Variants in RNGTT observed in about 807,000 individuals in gnomAD.
RNGTT encodes the protein mRNA-capping enzyme.
In RNGTT, 33 loss-of-function variants were observed where a neutral mutation model predicts 79.3. The observed-to-expected ratio is 0.42, with a 90% confidence interval of 0.32 to 0.56. The LOEUF (loss-of-function observed/expected upper bound fraction) is 0.56. Among genes scored for constraint, RNGTT ranks in the 20% least tolerant of loss-of-function variants. RNGTT has a pLI of 0.17. For synonymous variants in RNGTT, 222 were observed against 235.9 expected (o/e 0.94, Z 0.54); for missense variants, 497 against 739.1 (o/e 0.67, Z 3.80).
intron 6 of RNGTT, among the ~76,000 whole-genome samples, chr6:88,901,493 A>ATTTT (rs1562310733): frequency 3.1e-5 from 3 of 97,558 alleles, no homozygotes; most frequent in African/African-American, 1.4e-4. Context: ...AAGCACCCTG[A>ATTTT]TCTTTTTTTT....
chr6:88,739,070 T>C (rs1001685725), intron 13 of RNGTT, among the ~76,000 whole-genome samples: 1 of 152,056 alleles, frequency 6.6e-6, no homozygotes. Context: ...ATAAAAAAAC[T>C]TTCTCAAATT....
At chr6:88,857,504 A>G (rs1781879568) in intron 8 of RNGTT, among the ~76,000 whole-genome samples, 1 of 152,224 alleles carries the variant, frequency 6.6e-6, no homozygotes, top group Admixed American at 6.5e-5. Flanking sequence ...TGTATGTACA[A>G]CAAAGTTCAT....
intron 13 of RNGTT, among the ~76,000 whole-genome samples, chr6:88,723,490 A>G (rs561761019): frequency 3.1e-4 from 47 of 152,180 alleles, no homozygotes; most frequent in South Asian, 8.3e-4. Context: ...TTATTTTCAT[A>G]CTTTCTCTAA....
At chr6:88,817,119 C>T (rs1457804799) in intron 11 of RNGTT, among the ~76,000 whole-genome samples, 1 of 152,118 alleles carries the variant, frequency 6.6e-6, no homozygotes, top group Non-Finnish European at 1.5e-5. Context: ...AGAGCAAAAA[C>T]CACTCTGGTC....
intron 11 of RNGTT, among the ~76,000 whole-genome samples, chr6:88,837,336 G>A (rs111635088): frequency 6.6e-6 from 1 of 152,130 alleles, no homozygotes; most frequent in Non-Finnish European, 1.5e-5. Flanking sequence ...GTTCAAGGCT[G>A]TAGTGAGCTA....
At chr6:88,630,930 T>C (rs932939450) in intron 14 of RNGTT, among the ~76,000 whole-genome samples, 1 of 152,244 alleles carries the variant, frequency 6.6e-6, no homozygotes, top group African/African-American at 2.4e-5. Flanking sequence ...CAATTGAACA[T>C]ACATTTGTGA....
chr6:88,830,331 T>C (rs1225846284), intron 11 of RNGTT, among the ~76,000 whole-genome samples: 2 of 151,446 alleles, frequency 1.3e-5, no homozygotes, highest in Non-Finnish European at 3.0e-5. Flanking sequence ...AAATAAATAA[T>C]GAAATAATGA....
At chr6:88,730,897 C>T (rs971802911) in intron 13 of RNGTT, among the ~76,000 whole-genome samples, 1 of 152,200 alleles carries the variant, frequency 6.6e-6, no homozygotes, top group Admixed American at 6.5e-5. Context: ...CCAGCCCTGT[C>T]TAGTCTTCTG....
intron 14 of RNGTT, among the ~76,000 whole-genome samples, chr6:88,625,180 A>G (rs1028223746): frequency 1.3e-5 from 2 of 151,982 alleles, no homozygotes; most frequent in Admixed American, 1.3e-4. Flanking sequence ...GTTTCTTTAT[A>G]AAGTCAAACA....
intron 4 of RNGTT, among the ~76,000 whole-genome samples, chr6:88,919,930 C>G (rs1784115577): frequency 6.6e-6 from 1 of 151,938 alleles, no homozygotes; most frequent in Non-Finnish European, 1.5e-5. Context: ...CTCAGGTGAT[C>G]CACCCGCCTC....
chr6:88,821,690 C>T (rs1780501518), intron 11 of RNGTT, among the ~76,000 whole-genome samples: 1 of 151,726 alleles, frequency 6.6e-6, no homozygotes, highest in Admixed American at 6.6e-5. Context: ...ATGGTGTCAA[C>T]TGATTTCGAT....
chr6:88,624,568 C>G (rs1444295568), intron 14 of RNGTT, among the ~76,000 whole-genome samples: 2 of 151,766 alleles, frequency 1.3e-5, no homozygotes, highest in Admixed American at 6.6e-5. Flanking sequence ...TCACATTACA[C>G]AAAAATCAAA....
chr6:88,918,924 A>G (rs1784080608), intron 4 of RNGTT, among the ~76,000 whole-genome samples: 1 of 151,662 alleles, frequency 6.6e-6, no homozygotes, highest in African/African-American at 2.4e-5. Context: ...TAGGAAATGT[A>G]ATAATAATTG....
intron 8 of RNGTT, among the ~76,000 whole-genome samples, chr6:88,865,410 CA>C (rs1782135792): frequency 6.6e-6 from 1 of 151,994 alleles, no homozygotes. Context: ...AAACAGGAAA[CA>C]GGAAGCCATC....
At chr6:88,956,040 C>CAAAAAA (rs750272502) in intron 1 of RNGTT, among the ~76,000 whole-genome samples, 3 of 23,640 alleles carry the variant, frequency 1.3e-4, no homozygotes, top group African/African-American at 2.9e-4. Flanking sequence ...GACTCTGTCT[C>CAAAAAA]AAAAAAAAAA....
At chr6:88,701,359 G>A (rs1398256022) in intron 13 of RNGTT, among the ~76,000 whole-genome samples, 1 of 151,906 alleles carries the variant, frequency 6.6e-6, no homozygotes. Context: ...AACTAATTAA[G>A]TTTCCTGAGT....
At chr6:88,854,463 G>A (rs1013488034) in intron 8 of RNGTT, among the ~76,000 whole-genome samples, 2 of 152,050 alleles carry the variant, frequency 1.3e-5, no homozygotes, top group African/African-American at 2.4e-5. Context: ...TAACTATATG[G>A]ATTAGGTATT....
intron 12 of RNGTT, among the ~76,000 whole-genome samples, chr6:88,789,266 A>C (rs1779326006): frequency 6.6e-6 from 1 of 152,234 alleles, no homozygotes; most frequent in African/African-American, 2.4e-5. Context: ...CTAAAAATAC[A>C]AAAAATTAGG....
Position 88,904,757 on chromosome 6 carries a change from T to G in RNGTT, c.642A>C (p.Ser214=), listed in dbSNP as rs201271627. ...TTCTCCTTTTGCCAAAAGAAGCACT[T>G]GACCCGGGTTCTGATTCCTTCTTTC... ...EDGKKESEPG[S]SASFGKRRKE... is the part of the protein sequence containing the mutation. Residue 214 remains serine (S), a synonymous_variant, in exon 6 of 16, where the codon TCA becomes TCC. Coordinates refer to ENST00000369485, the MANE Select transcript of RNGTT (RefSeq NM_003800.5). The G allele has an allele frequency of 3.1e-6, 5 of 1,614,104 alleles. No individual in the cohort carries two copies. The East Asian group carries it at 1.1e-4, about 36-fold the overall frequency.
Sources: gnomAD v4.1 joint callset for allele counts (sites outside exome capture counted in the v4.1 genomes callset) on GRCh38, gnomAD v4.1.1 for gene constraint, MANE v1.5 for transcripts, NCBI Gene and HGNC (gene_info 2026-07-23, HGNC 2026-07-21) for gene names.